The following CDK6 variants were observed in gnomAD, a reference collection of about 807,000 sequenced individuals.
The protein encoded by CDK6 is cyclin dependent kinase 6.
CDK6 carries 6 observed loss-of-function variants against 37.1 expected under a neutral mutation model. The ratio of observed to expected loss-of-function variants is 0.16; its 90% CI spans 0.09 to 0.32. The LOEUF is 0.32. CDK6 is among the 10% of genes least tolerant of loss of function. CDK6 has a pLI of 1.00. For missense variants in CDK6, 224 were observed against 418.9 expected (o/e 0.53, Z 4.06); for synonymous variants, 160 against 161.3 (o/e 0.99, Z 0.06).
intron 2 of CDK6, among the ~76,000 whole-genome samples, chr7:92,812,780 A>G: frequency 6.6e-6 from 1 of 152,200 alleles, no homozygotes; most frequent in East Asian, 1.9e-4. Flanking sequence ...GATATCATAT[A>G]TTGAATTACT....
intron 6 of CDK6, among the ~76,000 whole-genome samples, chr7:92,622,626 A>G (rs1795827783): frequency 6.6e-6 from 1 of 152,150 alleles, no homozygotes; most frequent in East Asian, 1.9e-4. Context: ...AACAACGCAG[A>G]ACCAACCTGG....
At chr7:92,659,059 C>A (rs1196151277) in intron 5 of CDK6, among the ~76,000 whole-genome samples, 1 of 152,204 alleles carries the variant, frequency 6.6e-6, no homozygotes, top group East Asian at 1.9e-4. Context: ...CATCTATAGC[C>A]CCTACACAAC....
intron 3 of CDK6, among the ~76,000 whole-genome samples, chr7:92,769,130 T>C (rs1799651176): frequency 6.6e-6 from 1 of 152,220 alleles, no homozygotes. Context: ...TAACAGTGTG[T>C]GTCAGTTTCT....
intron 3 of CDK6, among the ~76,000 whole-genome samples, chr7:92,745,773 T>A (rs1203267022): frequency 6.6e-6 from 1 of 152,182 alleles, no homozygotes; most frequent in Non-Finnish European, 1.5e-5. Context: ...GCTTTTTCAC[T>A]TTGGGCCCCA....
intron 2 of CDK6, among the ~76,000 whole-genome samples, chr7:92,804,142 A>G (rs1228801293): frequency 6.6e-6 from 1 of 152,218 alleles, no homozygotes; most frequent in Non-Finnish European, 1.5e-5. Context: ...CAATGCATTC[A>G]TAATTTAGAG....
chr7:92,757,765 CCCA>C (rs1445122164), intron 3 of CDK6, among the ~76,000 whole-genome samples: 2 of 152,186 alleles, frequency 1.3e-5, no homozygotes, highest in African/African-American at 4.8e-5. Flanking sequence ...AATTTACACT[CCCA>C]CCAACAGTGT....
At chr7:92,717,983 G>A (rs994304958) in intron 4 of CDK6, among the ~76,000 whole-genome samples, 1 of 152,108 alleles carries the variant, frequency 6.6e-6, no homozygotes, top group East Asian at 1.9e-4. Context: ...CTGAGAACGC[G>A]CAGTGGAGAA....
intron 2 of CDK6, among the ~76,000 whole-genome samples, chr7:92,792,996 A>T (rs1800320250): frequency 6.6e-6 from 1 of 152,046 alleles, no homozygotes; most frequent in Admixed American, 6.6e-5. Context: ...CAAGGGAATT[A>T]AAAAAAATTC....
intron 4 of CDK6, among the ~76,000 whole-genome samples, chr7:92,699,617 TA>T (rs1307370377): frequency 1.3e-5 from 2 of 152,216 alleles, no homozygotes; most frequent in African/African-American, 4.8e-5. Flanking sequence ...ATGAGACATT[TA>T]CAATGTCACA....
chr7:92,699,379 T>C (rs1185695806), intron 4 of CDK6, among the ~76,000 whole-genome samples: 6 of 152,244 alleles, frequency 3.9e-5, no homozygotes, highest in Non-Finnish European at 5.9e-5. Context: ...TTGATTTCTA[T>C]AAATACTAAT....
intron 4 of CDK6, among the ~76,000 whole-genome samples, chr7:92,690,910 A>G (rs551643384): frequency 1.8e-4 from 27 of 152,306 alleles, no homozygotes; most frequent in African/African-American, 6.5e-4. Flanking sequence ...ATATATTATT[A>G]CAGATGTAGA....
rs1433126493 is a variant in CDK6 at position 92,662,541 on chromosome 7, C to T, written c.647+8885G>A. ...TGGTGGAACATTTGGATGATGAAGTCCCTAATGTACAATGTCATGAGAAGG... is the reference window on the plus strand; with the variant it reads ...TGGTGGAACATTTGGATGATGAAGTTCCTAATGTACAATGTCATGAGAAGG... On this transcript the variant is annotated intron_variant, in intron 5 of 7. Transcript: ENST00000424848. Among the ~76,000 whole-genome samples, 3 of 152,190 alleles carry T rather than the reference C, an allele frequency of 2.0e-5. No homozygotes were observed. The South Asian group carries it at 6.2e-4, about 32-fold the overall frequency.
intron 3 of CDK6, among the ~76,000 whole-genome samples, chr7:92,762,685 G>A (rs1431131834): frequency 6.6e-6 from 1 of 150,548 alleles, no homozygotes; most frequent in African/African-American, 2.4e-5. Flanking sequence ...CTCCTGCCTC[G>A]GCCTCCCAAG....
intron 3 of CDK6, among the ~76,000 whole-genome samples, chr7:92,768,977 C>T (rs1799647499): frequency 6.6e-6 from 1 of 152,074 alleles, no homozygotes; most frequent in Non-Finnish European, 1.5e-5. Context: ...GTACAGGGAC[C>T]AGTCAGTCAC....
chr7:92,810,830 T>C (rs1005054226), intron 2 of CDK6, among the ~76,000 whole-genome samples: 11 of 152,150 alleles, frequency 7.2e-5, no homozygotes, highest in African/African-American at 2.7e-4. Flanking sequence ...CCCAGCACTT[T>C]GGGAGGCTGA....
intron 3 of CDK6, among the ~76,000 whole-genome samples, chr7:92,770,062 G>T (rs575522015): frequency 6.6e-6 from 1 of 152,060 alleles, no homozygotes; most frequent in South Asian, 2.1e-4. Flanking sequence ...AATAAAGATG[G>T]CACTGAACTC....
intron 2 of CDK6, among the ~76,000 whole-genome samples, chr7:92,827,813 T>A (rs542791209): frequency 1.3e-5 from 2 of 152,222 alleles, no homozygotes; most frequent in East Asian, 3.9e-4. Context: ...CACAATTAAT[T>A]TACTTCCTAT....
At chr7:92,656,478 T>C (rs1231400125) in intron 5 of CDK6, among the ~76,000 whole-genome samples, 2 of 152,228 alleles carry the variant, frequency 1.3e-5, no homozygotes, top group Non-Finnish European at 2.9e-5. Flanking sequence ...AGCGCCTTGG[T>C]TGTGTTTGGT....
intron 2 of CDK6, among the ~76,000 whole-genome samples, chr7:92,781,080 T>C (rs1799978946): frequency 6.6e-6 from 1 of 152,216 alleles, no homozygotes; most frequent in African/African-American, 2.4e-5. Flanking sequence ...CTTAGCATAA[T>C]GTGATCCAAG....
Sources: allele counts gnomAD v4.1 joint callset (sites outside exome capture counted in the v4.1 genomes callset), GRCh38; gene constraint gnomAD v4.1.1; transcripts MANE v1.5; gene names NCBI Gene and HGNC (gene_info 2026-07-23, HGNC 2026-07-21).